Variants in PTPRR observed in about 807,000 individuals in gnomAD.
PTPRR encodes the protein protein tyrosine phosphatase receptor type R.
A neutral mutation model predicts 77.2 loss-of-function variants in PTPRR; 38 were observed. That is an observed-to-expected ratio of 0.49 (90% CI 0.38 to 0.65). The LOEUF (loss-of-function observed/expected upper bound fraction) is 0.65, where lower values mean the gene tolerates loss of function less well. Among genes scored for constraint, PTPRR ranks in the 30% least tolerant of loss-of-function variants. The pLI, the probability that PTPRR is intolerant of heterozygous loss-of-function variation, is 0.00. For synonymous variants in PTPRR, 299 were observed against 283.1 expected (o/e 1.06, Z -0.57); for missense variants, 744 against 799.2 (o/e 0.93, Z 0.83).
intron 2 of PTPRR, among the ~76,000 whole-genome samples, chr12:70,818,141 T>C (rs769555487): frequency 6.6e-5 from 10 of 151,374 alleles, no homozygotes; most frequent in African/African-American, 1.2e-4. Context: ...GAACCCAGGA[T>C]TGAGGCAGTT....
chr12:70,760,275 A>T (rs529721032), intron 4 of PTPRR, among the ~76,000 whole-genome samples: 4 of 152,356 alleles, frequency 2.6e-5, no homozygotes, highest in African/African-American at 9.6e-5. Context: ...ACAACCTCAC[A>T]GAGATTAAAT....
At chr12:70,690,167 G>A (rs1008835626) in intron 8 of PTPRR, among the ~76,000 whole-genome samples, 3 of 152,166 alleles carry the variant, frequency 2.0e-5, no homozygotes, top group African/African-American at 7.2e-5. Context: ...TTAGTCTGGA[G>A]GTATAACATG....
At chr12:70,658,117 T>C (rs1305122117) in intron 12 of PTPRR, among the ~76,000 whole-genome samples, 2 of 152,212 alleles carry the variant, frequency 1.3e-5, no homozygotes, top group African/African-American at 4.8e-5. Flanking sequence ...TCAAGCCTTA[T>C]GTATTTTGCT....
At chr12:70,672,854 T>C (rs752378678) in intron 10 of PTPRR, 1 of 1,558,694 alleles carries the variant, frequency 6.4e-7, no homozygotes, top group Non-Finnish European at 8.7e-7. Context: ...ATCAGCAAGG[T>C]GGTGTGATGG....
rs765439328 is a variant in PTPRR, at chr12:70,810,633, G to A, written c.358-45855C>T. Among the ~76,000 whole-genome samples, 102 of 152,128 alleles carry A rather than the reference G, an allele frequency of 6.7e-4. 1 individual carries two copies. The highest frequency in any genetic ancestry group is 2.9e-4 in the Non-Finnish European group (20 of 68,006). On this transcript the variant is annotated intron_variant, in intron 2 of 13. Coordinates refer to ENST00000283228, the MANE Select transcript of PTPRR (RefSeq NM_002849.4). Reference sequence around the variant, plus strand: ...TACCAAAACCTTAAGTTGCCTGGAGGTGCTTACTGAGAAATCATTTCTCTG... The same window carrying A: ...TACCAAAACCTTAAGTTGCCTGGAGATGCTTACTGAGAAATCATTTCTCTG...
At chr12:70,836,553 C>A (rs960647840) in intron 2 of PTPRR, among the ~76,000 whole-genome samples, 1 of 151,972 alleles carries the variant, frequency 6.6e-6, no homozygotes, top group Non-Finnish European at 1.5e-5. Context: ...TGTAATCTAG[C>A]CCCTTCTCAT....
At chr12:70,736,230 T>C (rs942746114) in intron 6 of PTPRR, among the ~76,000 whole-genome samples, 2 of 152,174 alleles carry the variant, frequency 1.3e-5, no homozygotes, top group Admixed American at 1.3e-4. Context: ...GAAATGGTTA[T>C]CTGTCATGAG....
chr12:70,828,259 A>T (rs377180016), intron 2 of PTPRR, among the ~76,000 whole-genome samples: 1 of 152,172 alleles, frequency 6.6e-6, no homozygotes, highest in Non-Finnish European at 1.5e-5. Context: ...TTGTCTCCAC[A>T]TTCCTTTTCT....
At chr12:70,904,486 CA>C (rs1329059576) in intron 1 of PTPRR, among the ~76,000 whole-genome samples, 1 of 151,772 alleles carries the variant, frequency 6.6e-6, no homozygotes, top group East Asian at 1.9e-4. Context: ...ATGACATTCT[CA>C]AAAGACAAAA....
intron 10 of PTPRR, chr12:70,671,939 A>T: frequency 2.0e-6 from 2 of 1,012,026 alleles, no homozygotes; most frequent in East Asian, 4.8e-5. Context: ...TGGTAGAAGA[A>T]GGTTGCTCAC....
intron 1 of PTPRR, among the ~76,000 whole-genome samples, chr12:70,912,586 T>A (rs1388791689): frequency 6.6e-6 from 1 of 152,232 alleles, no homozygotes; most frequent in Non-Finnish European, 1.5e-5. Flanking sequence ...TAGTTTTGCT[T>A]TGTTGTTGGT....
intron 8 of PTPRR, among the ~76,000 whole-genome samples, chr12:70,685,473 C>CCAA (rs574402948): frequency 1.6e-5 from 1 of 60,978 alleles, no homozygotes; most frequent in African/African-American, 6.8e-5. Flanking sequence ...GACTTCATCT[C>CCAA]AAAAAAAAAA....
At chr12:70,734,792 C>T (rs895946742) in intron 6 of PTPRR, among the ~76,000 whole-genome samples, 5 of 152,140 alleles carry the variant, frequency 3.3e-5, no homozygotes, top group African/African-American at 1.2e-4. Context: ...GAAATTATGC[C>T]AGGCCTGTGC....
At chr12:70,641,606 G>A (rs1886004399) in intron 13 of PTPRR, among the ~76,000 whole-genome samples, 1 of 152,080 alleles carries the variant, frequency 6.6e-6, no homozygotes, top group Non-Finnish European at 1.5e-5. Flanking sequence ...AAGGCTTCAG[G>A]AAAGTATATG....
chr12:70,794,231 C>T (rs1263179006), intron 2 of PTPRR, among the ~76,000 whole-genome samples: 1 of 152,176 alleles, frequency 6.6e-6, no homozygotes, highest in Non-Finnish European at 1.5e-5. Context: ...TTGCTTAACT[C>T]AGTTGCCAAA....
At chr12:70,754,013 C>T (rs1347322088) in intron 5 of PTPRR, among the ~76,000 whole-genome samples, 178 bp downstream of exon 5, 1 of 152,124 alleles carries the variant, frequency 6.6e-6, no homozygotes, top group Non-Finnish European at 1.5e-5. Context: ...ATCCTTAATT[C>T]CATAAGCTCT....
intron 2 of PTPRR, among the ~76,000 whole-genome samples, chr12:70,846,443 T>C (rs1011506297): frequency 6.6e-6 from 1 of 152,192 alleles, no homozygotes; most frequent in African/African-American, 2.4e-5. Context: ...CACTTGTTTA[T>C]TTTAAGAAAT....
At chr12:70,816,806 A>G (rs1891910809) in intron 2 of PTPRR, among the ~76,000 whole-genome samples, 1 of 152,096 alleles carries the variant, frequency 6.6e-6, no homozygotes, top group Non-Finnish European at 1.5e-5. Context: ...TAAAATAGAA[A>G]CTATGTTTTT....
chr12:70,902,823 A>G (rs931748917), intron 1 of PTPRR, among the ~76,000 whole-genome samples: 2 of 151,766 alleles, frequency 1.3e-5, no homozygotes, highest in Admixed American at 1.3e-4. Context: ...AAAATCTCAC[A>G]AATCAGCACT....
Sources: allele counts gnomAD v4.1 joint callset (sites outside exome capture counted in the v4.1 genomes callset), GRCh38; gene constraint gnomAD v4.1.1; transcripts MANE v1.5; gene names NCBI Gene and HGNC (gene_info 2026-07-23, HGNC 2026-07-21).